The following CCDC110 variants were observed in gnomAD, a reference collection of about 807,000 sequenced individuals.
CCDC110 encodes coiled-coil domain-containing protein 110.
In CCDC110, 70 loss-of-function variants were observed where a neutral mutation model predicts 77.1. The ratio of observed to expected loss-of-function variants is 0.91; its 90% confidence interval spans 0.75 to 1.11. CCDC110 has a LOEUF of 1.11. Among genes scored for constraint, CCDC110 ranks in the 50% least tolerant of loss-of-function variants. CCDC110 has a pLI of 0.00. For synonymous variants in CCDC110, 295 were observed against 312.5 expected (o/e 0.94, Z 0.59); for missense variants, 868 against 942.9 (o/e 0.92, Z 1.04).
intron 6 of CCDC110, among the ~76,000 whole-genome samples, chr4:185,448,539 AAC>A (rs2095621351): frequency 6.6e-6 from 1 of 152,216 alleles, no homozygotes; most frequent in African/African-American, 2.4e-5. Flanking sequence ...TATGTCACTG[AAC>A]CACGATTCCC....
chr4:185,464,839 T>C (rs2095652647), intron 2 of CCDC110, among the ~76,000 whole-genome samples: 1 of 150,942 alleles, frequency 6.6e-6, no homozygotes, highest in African/African-American at 2.5e-5. Context: ...AGTATTTGGA[T>C]TTTTTTTTAC....
At chr4:185,460,753 C>T (rs1344318324) in intron 5 of CCDC110, 1 of 344,232 alleles carries the variant, frequency 2.9e-6, no homozygotes, top group African/African-American at 2.1e-5. Flanking sequence ...CTAGGTCAAT[C>T]CTAAGTGAAT....
rs1561163157 is a variant in CCDC110 at position 185,460,223 on chromosome 4, C to T, written c.364G>A (p.Glu122Lys). Reference protein sequence around the residue: ...IEKDLPTENQEENLSMEKSHH... With the variant: ...IEKDLPTENQKENLSMEKSHH... ...CTTTTCTCCATAGAAAGGTTTTCTTCTTGATTCTCTGTAGGCTGTAACAAT... is the reference window on the plus strand; with the variant it reads ...CTTTTCTCCATAGAAAGGTTTTCTTTTTGATTCTCTGTAGGCTGTAACAAT... The change falls in exon 6 of 7, where the codon GAA (glutamate) becomes AAA (lysine). Residue 122 changes from glutamate to lysine, a missense_variant. Physicochemically the swap from Glu to Lys is moderately conservative, Grantham distance 56 (BLOSUM62 1). Coordinates refer to ENST00000307588, the MANE Select transcript of CCDC110 (RefSeq NM_152775.4). The T allele has an allele frequency of 1.2e-6, 2 of 1,602,144 alleles. No individual in the cohort carries two copies. The highest frequency in any genetic ancestry group is 2.7e-5 in the African/African-American group (2 of 74,834).
chr4:185,458,923 CTT>C lies in CCDC110; in HGVS notation c.1662_1663del (p.Ser555Ter), dbSNP rs750797868. The C allele has an allele frequency of 1.2e-6, 2 of 1,608,574 alleles. No homozygotes were observed. Among genetic ancestry groups the C allele is most frequent in the Non-Finnish European group, 1.7e-6 (2 of 1,178,758 alleles). On this transcript the variant is annotated frameshift_variant, in exon 6 of 7. Coordinates refer to ENST00000307588, the MANE Select transcript of CCDC110 (RefSeq NM_152775.4). LOFTEE classifies it high-confidence loss of function. ...TTCATTATTTACAATGGCCATATCA[CTT>C]TGAGTTTTGTGTTCCTTACTTTTTA...
intron 2 of CCDC110, among the ~76,000 whole-genome samples, chr4:185,466,758 T>A (rs1356531142): frequency 2.0e-5 from 3 of 151,718 alleles, no homozygotes; most frequent in Admixed American, 6.6e-5. Context: ...TTTTTTTTTT[T>A]AAACCACAGG....
chr4:185,451,168 T>C (rs74740568), intron 6 of CCDC110, among the ~76,000 whole-genome samples: 34,950 of 152,138 alleles, frequency 0.23, 4,545 homozygotes, highest in Non-Finnish European at 0.3. Flanking sequence ...TCACCTTCCA[T>C]GATGATTGTG....
At position 185,470,584 on chromosome 4, in the gene CCDC110, C is replaced by T. The variant is rs2095664167; in HGVS notation, c.115+361G>A. Reference sequence around the variant, plus strand: ...AAAAAACTCAACAATTCTTACTTAGCATTCAGAGAAGCAACGGAGCGTAGC... The same window carrying T: ...AAAAAACTCAACAATTCTTACTTAGTATTCAGAGAAGCAACGGAGCGTAGC... On this transcript the variant is annotated intron_variant, in intron 2 of 6. Transcript: ENST00000307588. The T allele has an allele frequency of 6.6e-6, 3 of 451,450 alleles. 1 individual carries two copies. Among genetic ancestry groups the T allele is most frequent in the South Asian group, 4.8e-5 (3 of 62,870 alleles). 28.0% of individuals were successfully genotyped at this position (451,450 alleles called of 1,614,324 possible).
In CCDC110 at chr4:185,459,609, C is replaced by T; in HGVS notation, c.978G>A (p.Arg326=). 2 of 1,612,900 alleles carry T rather than the reference C, an allele frequency of 1.2e-6. No individual in the cohort carries two copies. The highest frequency in any genetic ancestry group is 1.7e-6 in the Non-Finnish European group (2 of 1,179,652). The change falls in exon 6 of 7, where the codon AGG becomes AGA. Residue 326 remains arginine, a synonymous_variant. Transcript: ENST00000307588. Reference sequence around the variant, plus strand: ...GCACATGGAATTTTGACACAGTTTCCCTGAAGGGGAGTAATTTCTTCACTA... The same window carrying T: ...GCACATGGAATTTTGACACAGTTTCTCTGAAGGGGAGTAATTTCTTCACTA... ...EALVKKLLPF[R]ETVSKFHVHF...
Position 185,451,022 on chromosome 4 carries a change from C to G in CCDC110, c.2462-5480G>C, listed in dbSNP as rs1364576257. Among the ~76,000 whole-genome samples the G allele has an allele frequency of 1.2e-4, 19 of 152,224 alleles. 1 individual carries two copies. The South Asian group carries it at 2.1e-3, about 17-fold the overall frequency. On this transcript the variant is annotated intron_variant, in intron 6 of 6. Coordinates refer to ENST00000307588, the MANE Select transcript of CCDC110 (RefSeq NM_152775.4). Reference sequence around the variant, plus strand: ...GGGAGGGACCTGGTAGGAGTTAATTCAATCATGGAGGCAGCTTCCCCCATA... The same window carrying G: ...GGGAGGGACCTGGTAGGAGTTAATTGAATCATGGAGGCAGCTTCCCCCATA...
intron 6 of CCDC110, 102 bp downstream of exon 6, chr4:185,458,024 G>A (rs1209317619): frequency 1.0e-5 from 8 of 803,008 alleles, no homozygotes; most frequent in Non-Finnish European, 1.4e-5. Flanking sequence ...AAACAAAATT[G>A]TATTCATTTT....
Position 185,471,657 on chromosome 4 carries a change from C to A in CCDC110, c.10+17G>T, listed in dbSNP as rs539603597. Reference sequence around the variant, plus strand: ...TCCCGCGGCTCCCCTAGGAGCCCCGCCCCGTCCAACTCTTACCCGGGCTCA... The same window carrying A: ...TCCCGCGGCTCCCCTAGGAGCCCCGACCCGTCCAACTCTTACCCGGGCTCA... On this transcript the variant is annotated intron_variant, in intron 1 of 6. Coordinates refer to ENST00000307588, the MANE Select transcript of CCDC110 (RefSeq NM_152775.4). 14 of 1,564,038 alleles carry A rather than the reference C, an allele frequency of 9.0e-6. No homozygotes were observed. Among genetic ancestry groups the A allele is most frequent in the Non-Finnish European group, 1.2e-5 (14 of 1,159,174 alleles).
At chr4:185,470,824 G>T in intron 2 of CCDC110, 121 bp downstream of exon 2, 1 of 776,996 alleles carries the variant, frequency 1.3e-6, no homozygotes, top group African/African-American at 1.7e-5. Context: ...CGCGAGTGCC[G>T]TGGTGGCTGC....
chr4:185,469,607 G>A (rs2095662223), intron 2 of CCDC110, among the ~76,000 whole-genome samples: 1 of 152,154 alleles, frequency 6.6e-6, no homozygotes, highest in African/African-American at 2.4e-5. Context: ...TCGTTCAGGG[G>A]GCCCCTTTGC....
At chr4:185,447,187 T>C (rs570773178) in intron 6 of CCDC110, among the ~76,000 whole-genome samples, 10,081 of 35,670 alleles carry the variant, frequency 0.28, 570 homozygotes, top group Admixed American at 0.3. Flanking sequence ...ATATTTTTTC[T>C]TTTTTTTTTT....
intron 2 of CCDC110, among the ~76,000 whole-genome samples, chr4:185,465,545 G>C (rs1375127765): frequency 6.6e-6 from 1 of 152,194 alleles, no homozygotes; most frequent in Non-Finnish European, 1.5e-5. Flanking sequence ...AGGAGACAGG[G>C]GCTAGGTTAT....
Position 185,459,054 on chromosome 4 carries a change from TA to T in CCDC110, c.1532del (p.Ile511LysfsTer15), listed in dbSNP as rs747140774. ...SKECLKEFKK[I>X]ISKYNVLQGQ... Reference sequence around the variant, plus strand: ...CTTGCAGAACATTATATTTACTAATTATTTTTTTAAATTCTTTAAGACACTC... The same window carrying T: ...CTTGCAGAACATTATATTTACTAATTTTTTTTTAAATTCTTTAAGACACTC... On this transcript the variant is annotated frameshift_variant, in exon 6 of 7. Transcript: ENST00000307588. LOFTEE classifies it high-confidence loss of function. 20 of 1,566,290 alleles carry T rather than the reference TA, an allele frequency of 1.3e-5. No homozygotes were observed. Among genetic ancestry groups the T allele is most frequent in the African/African-American group, 4.1e-5 (3 of 72,990 alleles).
intron 6 of CCDC110, among the ~76,000 whole-genome samples, chr4:185,450,601 T>A (rs1224837731): frequency 1.3e-5 from 2 of 152,008 alleles, no homozygotes; most frequent in Admixed American, 6.6e-5. Flanking sequence ...ACAAAAATTA[T>A]CTGGGCATGG....
At chr4:185,467,268 G>T (rs2095657958) in intron 2 of CCDC110, among the ~76,000 whole-genome samples, 1 of 152,210 alleles carries the variant, frequency 6.6e-6, no homozygotes, top group South Asian at 2.1e-4. Context: ...CAGGGAGTCG[G>T]ATTCATCTAT....
intron 4 of CCDC110, among the ~76,000 whole-genome samples, chr4:185,461,471 C>T (rs1038619989): frequency 1.3e-5 from 2 of 152,150 alleles, no homozygotes. Context: ...TTCTGTCCCC[C>T]TTAGGAGGAG....
Sources: allele counts gnomAD v4.1 joint callset (sites outside exome capture counted in the v4.1 genomes callset), GRCh38; gene constraint gnomAD v4.1.1; transcripts MANE v1.5; gene names NCBI Gene and HGNC (gene_info 2026-07-23, HGNC 2026-07-21).